IL1RAPL2: variants seen among roughly 807,000 people sequenced by gnomAD.
IL1RAPL2 encodes X-linked interleukin-1 receptor accessory protein-like 2.
In IL1RAPL2, 3 loss-of-function variants were observed where a neutral mutation model predicts 44.1. That is an observed-to-expected ratio of 0.07 (90% CI 0.03 to 0.18). The LOEUF is 0.18. IL1RAPL2 is among the 10% of genes least tolerant of loss of function. The probability of loss-of-function intolerance (pLI) is 1.00; values close to 1 mark genes in which losing one functional copy is unlikely to be tolerated. For missense variants in IL1RAPL2, 391 were observed against 496.4 expected, an observed-to-expected ratio of 0.79 and a Z score of 2.02; for synonymous variants, 181 against 178.8, an observed-to-expected ratio of 1.01 and a Z score of -0.10.
intron 6 of IL1RAPL2, among the ~76,000 whole-genome samples, chrX:105,566,234 AAGAG>A (rs1223787828): frequency 9.0e-6 from 1 of 111,465 alleles, no homozygotes; most frequent in Non-Finnish European, 1.9e-5. Context: ...GAAAAAAAGA[AAGAG>A]AGAGACAGTG....
chrX:104,744,087 C>T, intron 2 of IL1RAPL2, among the ~76,000 whole-genome samples: 2 of 110,584 alleles, frequency 1.8e-5, no homozygotes, highest in South Asian at 7.8e-4. Context: ...GTTTGCTGTA[C>T]ACAAAGGGAT....
At chrX:105,696,710 C>T (rs1429924528) in intron 6 of IL1RAPL2, among the ~76,000 whole-genome samples, 1 of 110,917 alleles carries the variant, frequency 9.0e-6, no homozygotes, top group Non-Finnish European at 1.9e-5. Context: ...CTAGGGCTCA[C>T]CTTAAGGATA....
intron 6 of IL1RAPL2, among the ~76,000 whole-genome samples, chrX:105,701,253 A>C (rs2038117029): frequency 9.0e-6 from 1 of 111,312 alleles, no homozygotes; most frequent in East Asian, 2.9e-4. Flanking sequence ...ATGTAAGAGT[A>C]GAGTTCAAAC....
chrX:105,023,272 T>G (rs748405967), intron 2 of IL1RAPL2, among the ~76,000 whole-genome samples: 19 of 111,077 alleles, frequency 1.7e-4, no homozygotes, highest in African/African-American at 6.2e-4. Context: ...GAATGTCATT[T>G]CAGGGGTCTG....
intron 5 of IL1RAPL2, among the ~76,000 whole-genome samples, chrX:105,310,897 C>G (rs1216682483): frequency 3.6e-5 from 4 of 111,512 alleles, no homozygotes; most frequent in African/African-American, 1.3e-4. Flanking sequence ...TCTACCAATG[C>G]AGAAAAAGGA....
intron 1 of IL1RAPL2, among the ~76,000 whole-genome samples, chrX:104,610,201 A>T (rs750252293): frequency 4.0e-4 from 45 of 111,385 alleles, no homozygotes; most frequent in African/African-American, 1.1e-3. Context: ...AACTGGAAGC[A>T]TTCCCTTTGA....
At chrX:104,755,088 T>C (rs1474517544) in intron 2 of IL1RAPL2, among the ~76,000 whole-genome samples, 1 of 111,783 alleles carries the variant, frequency 8.9e-6, no homozygotes. Flanking sequence ...TGATTTTTCC[T>C]TCCCACAATT....
intron 6 of IL1RAPL2, among the ~76,000 whole-genome samples, chrX:105,617,153 T>C (rs2037383680): frequency 9.0e-6 from 1 of 111,456 alleles, no homozygotes; most frequent in Non-Finnish European, 1.9e-5. Context: ...ATGTTTGTCT[T>C]TGGGACCTTA....
intron 2 of IL1RAPL2, among the ~76,000 whole-genome samples, chrX:104,785,755 G>A (rs955577584): frequency 8.9e-6 from 1 of 112,337 alleles, no homozygotes; most frequent in African/African-American, 3.2e-5. Context: ...AAGGAAAGAT[G>A]AATCTAAGAA....
intron 5 of IL1RAPL2, among the ~76,000 whole-genome samples, chrX:105,420,501 ATGTGCTTGGTTCATCAGGGACTCCTTATT>A (rs2035766820): frequency 8.9e-6 from 1 of 111,837 alleles, no homozygotes; most frequent in Non-Finnish European, 1.9e-5. Flanking sequence ...ATGGTCACAC[ATGTGCTTGGTTCATCAGGGACTCCTTATT>A]TTGCTTAGCC....
intron 5 of IL1RAPL2, among the ~76,000 whole-genome samples, chrX:105,294,777 C>A (rs1033525552): frequency 1.8e-5 from 2 of 111,910 alleles, no homozygotes; most frequent in African/African-American, 6.5e-5. Flanking sequence ...GAGCACATTT[C>A]AGGCACTATT....
At chrX:105,057,395 G>C (rs936395303) in intron 2 of IL1RAPL2, among the ~76,000 whole-genome samples, 1 of 111,903 alleles carries the variant, frequency 8.9e-6, no homozygotes, top group Non-Finnish European at 1.9e-5. Flanking sequence ...TAAGGAAAAG[G>C]CACTTTATTT....
intron 3 of IL1RAPL2, chrX:105,219,392 G>A (rs189616035): frequency 6.6e-5 from 80 of 1,208,253 alleles, no homozygotes; most frequent in Admixed American, 4.8e-4. Flanking sequence ...TCGACCGACC[G>A]GAGATCTCCC....
chrX:104,643,354 G>A (rs1035128406), intron 1 of IL1RAPL2, among the ~76,000 whole-genome samples: 44 of 111,565 alleles, frequency 3.9e-4, no homozygotes, highest in African/African-American at 1.4e-3. Flanking sequence ...GCTAGTAATC[G>A]TTACGATTAT....
chrX:105,255,043 T>C (rs2034303295), intron 4 of IL1RAPL2, among the ~76,000 whole-genome samples: 1 of 111,844 alleles, frequency 8.9e-6, no homozygotes, highest in Non-Finnish European at 1.9e-5. Flanking sequence ...TGGGCTGGGC[T>C]CTTTTTTGGT....
intron 3 of IL1RAPL2, among the ~76,000 whole-genome samples, chrX:105,202,803 C>A (rs2033728959): frequency 8.9e-6 from 1 of 111,922 alleles, no homozygotes; most frequent in Non-Finnish European, 1.9e-5. Context: ...TTAAACCTAA[C>A]TGTCCATCTA....
chrX:105,574,696 G>A (rs1423975971), intron 6 of IL1RAPL2, among the ~76,000 whole-genome samples: 1 of 111,843 alleles, frequency 8.9e-6, no homozygotes, highest in African/African-American at 3.2e-5. Flanking sequence ...TGGTCCTTTT[G>A]CTGTCTGTGA....
At chrX:104,910,243 G>T (rs370320178) in intron 2 of IL1RAPL2, among the ~76,000 whole-genome samples, 1 of 111,641 alleles carries the variant, frequency 9.0e-6, no homozygotes, top group South Asian at 3.8e-4. Flanking sequence ...ACTGACCTGC[G>T]CCCACTGTCT....
chrX:105,508,800 G>A (rs951664295), intron 6 of IL1RAPL2, among the ~76,000 whole-genome samples: 2 of 111,020 alleles, frequency 1.8e-5, no homozygotes, highest in South Asian at 3.8e-4. Context: ...AAAGCAGTGG[G>A]GGAAGTATTG....
Sources: gnomAD v4.1 joint callset for allele counts (sites outside exome capture counted in the v4.1 genomes callset) on GRCh38, gnomAD v4.1.1 for gene constraint, MANE v1.5 for transcripts, NCBI Gene and HGNC (gene_info 2026-07-23, HGNC 2026-07-21) for gene names.